Variants in NPAS3 observed in about 807,000 individuals in gnomAD.
NPAS3 encodes neuronal PAS domain-containing protein 3.
Under a neutral mutation model 73.1 loss-of-function variants are expected in NPAS3, and 14 were observed. That is an observed-to-expected ratio of 0.19 (90% confidence interval 0.13 to 0.30). NPAS3 has a LOEUF of 0.30. Among genes scored for constraint, NPAS3 ranks in the 10% least tolerant of loss-of-function variants. The probability of loss-of-function intolerance (pLI) is 1.00; values close to 1 mark genes in which losing one functional copy is unlikely to be tolerated. For synonymous variants in NPAS3, 620 were observed against 541.5 expected (o/e 1.14, Z -2.01); for missense variants, 1,096 against 1,250.0 (o/e 0.88, Z 1.86).
intron 3 of NPAS3, among the ~76,000 whole-genome samples, chr14:33,228,922 C>G (rs565467411): frequency 6.6e-6 from 1 of 152,176 alleles, no homozygotes; most frequent in South Asian, 2.1e-4. Flanking sequence ...GTATTATTTT[C>G]CAAGTAAATT....
intron 4 of NPAS3, among the ~76,000 whole-genome samples, chr14:33,454,722 A>G (rs1418994333): frequency 1.3e-5 from 2 of 151,994 alleles, no homozygotes; most frequent in Non-Finnish European, 2.9e-5. Flanking sequence ...TAAACCGGGG[A>G]GTTGGGGATT....
intron 5 of NPAS3, among the ~76,000 whole-genome samples, chr14:33,563,537 C>CACACACACACACAG: frequency 4.8e-4 from 58 of 119,698 alleles, no homozygotes; most frequent in African/African-American, 4.9e-4. Flanking sequence ...CACACACACA[C>CACACACACACACAG]AGAGAGAGAG....
chr14:33,092,571 C>T (rs910752194), intron 2 of NPAS3, among the ~76,000 whole-genome samples: 4 of 152,160 alleles, frequency 2.6e-5, no homozygotes, highest in Non-Finnish European at 5.9e-5. Context: ...TCAATGCCAT[C>T]CCCATCAAGC....
chr14:33,543,967 A>ATC (rs2054643132), intron 4 of NPAS3, among the ~76,000 whole-genome samples: 2 of 31,830 alleles, frequency 6.3e-5, no homozygotes, highest in South Asian at 9.3e-4. Context: ...ATATATATAT[A>ATC]TATATATATA....
chr14:33,446,442 T>A (rs1319473392), intron 4 of NPAS3, among the ~76,000 whole-genome samples: 3 of 152,170 alleles, frequency 2.0e-5, no homozygotes, highest in African/African-American at 7.2e-5. Flanking sequence ...CCCAAAGTGC[T>A]GGGATTACAG....
rs1264921065 is a variant in NPAS3, at chr14:33,324,362, A to G, written c.386-42824A>G. 2.0e-5 allele frequency among the ~76,000 whole-genome samples: 3 copies of G among 152,222 alleles called. No homozygotes were observed. The East Asian group carries it at 5.8e-4, about 29-fold the overall frequency. On this transcript the variant is annotated intron_variant, in intron 3 of 11. Coordinates refer to ENST00000356141, the Ensembl canonical transcript of NPAS3. ...CTTCTTGCCAATTTCCCATTAAATG[A>G]GAAATAATTAACAATAGCAATAACA...
At chr14:33,634,006 T>C (rs1418338372) in intron 5 of NPAS3, among the ~76,000 whole-genome samples, 1 of 152,152 alleles carries the variant, frequency 6.6e-6, no homozygotes, top group Non-Finnish European at 1.5e-5. Context: ...AACATTGTTT[T>C]GTGGCACATG....
chr14:33,004,816 C>CAAA (rs1566455727), intron 1 of NPAS3, among the ~76,000 whole-genome samples: 2 of 21,874 alleles, frequency 9.1e-5, no homozygotes, highest in African/African-American at 2.5e-4. Context: ...AAAAAGTTTT[C>CAAA]CTTTTTTTTT....
rs140016934 is a variant in NPAS3 at position 33,282,735 on chromosome 14, G to A, written c.385+67309G>A. On this transcript the variant is annotated intron_variant, in intron 3 of 11. Transcript: ENST00000356141. The stretch of plus-strand genomic sequence containing the variant: ...TGCTAGCCTGGAGCGGGACTGAATA[G>A]GGGATAGGCTGGTGGGACTGCAGCT... Among the ~76,000 whole-genome samples the A allele has an allele frequency of 3.1e-3, 472 of 152,266 alleles. 4 individuals carry two copies. The Middle Eastern group carries it at 0.044, about 14-fold the overall frequency.
At chr14:33,081,107 AT>A (rs781354924) in intron 2 of NPAS3, among the ~76,000 whole-genome samples, 31 of 152,236 alleles carry the variant, frequency 2.0e-4, no homozygotes, top group Non-Finnish European at 3.2e-4. Flanking sequence ...GCTGTATAGT[AT>A]TTCCCCATAA....
chr14:33,780,185 G>C (rs1368942480), intron 9 of NPAS3, among the ~76,000 whole-genome samples: 1 of 152,224 alleles, frequency 6.6e-6, no homozygotes, highest in East Asian at 1.9e-4. Flanking sequence ...CCAACACGGA[G>C]TGTGTGTGTC....
At chr14:33,248,173 A>T (rs1367068705) in intron 3 of NPAS3, among the ~76,000 whole-genome samples, 1 of 152,244 alleles carries the variant, frequency 6.6e-6, no homozygotes, top group Non-Finnish European at 1.5e-5. Flanking sequence ...TATGAGAATC[A>T]TAACAGATAA....
At chr14:33,287,107 G>A (rs965807172) in intron 3 of NPAS3, among the ~76,000 whole-genome samples, 2 of 152,090 alleles carry the variant, frequency 1.3e-5, no homozygotes, top group African/African-American at 4.8e-5. Flanking sequence ...AATATAGAAA[G>A]AAAGAAACTT....
chr14:33,634,466 T>C (rs1186001838), intron 5 of NPAS3, among the ~76,000 whole-genome samples: 1 of 152,136 alleles, frequency 6.6e-6, no homozygotes, highest in East Asian at 1.9e-4. Context: ...TTTTGAAAGA[T>C]GATGCTGGAA....
chr14:33,679,842 A>C (rs556713119), intron 6 of NPAS3, among the ~76,000 whole-genome samples: 2 of 152,234 alleles, frequency 1.3e-5, no homozygotes, highest in African/African-American at 4.8e-5. Context: ...TGGAGGAGAA[A>C]AAAAAGATCC....
chr14:33,402,295 A>G (rs1047960741), intron 4 of NPAS3, among the ~76,000 whole-genome samples: 1 of 152,118 alleles, frequency 6.6e-6, no homozygotes, highest in African/African-American at 2.4e-5. Context: ...TGAATTATCA[A>G]GGATAAATTG....
At chr14:32,975,055 A>G (rs942172136) in intron 1 of NPAS3, among the ~76,000 whole-genome samples, 1 of 152,200 alleles carries the variant, frequency 6.6e-6, no homozygotes, top group Admixed American at 6.5e-5. Flanking sequence ...TTAGTTGAAT[A>G]GTTTTACAGA....
intron 5 of NPAS3, among the ~76,000 whole-genome samples, chr14:33,588,851 A>C (rs1490325543): frequency 6.6e-6 from 1 of 152,100 alleles, no homozygotes; most frequent in Non-Finnish European, 1.5e-5. Context: ...TCCTGACCTT[A>C]AGTGATCTAC....
chr14:33,380,037 TG>T (rs1480157493), intron 4 of NPAS3, among the ~76,000 whole-genome samples: 1 of 130,042 alleles, frequency 7.7e-6, no homozygotes, highest in Non-Finnish European at 1.7e-5. Flanking sequence ...CTGCACAAAG[TG>T]GGGGGGAAAA....
Sources: gnomAD v4.1 joint callset for allele counts (sites outside exome capture counted in the v4.1 genomes callset) on GRCh38, gnomAD v4.1.1 for gene constraint, MANE v1.5 for transcripts, NCBI Gene and HGNC (gene_info 2026-07-23, HGNC 2026-07-21) for gene names.